ZSWIM6: variants seen among roughly 807,000 people sequenced by gnomAD.
The protein encoded by ZSWIM6 is zinc finger SWIM domain-containing protein 6.
In ZSWIM6, 9 loss-of-function variants were observed where a neutral mutation model predicts 113.2. The ratio of observed to expected loss-of-function variants is 0.08; its 90% CI spans 0.05 to 0.14. ZSWIM6 has a LOEUF of 0.14. Among genes scored for constraint, ZSWIM6 ranks in the 10% least tolerant of loss-of-function variants. The pLI, the probability that ZSWIM6 is intolerant of heterozygous loss-of-function variation, is 1.00. For missense variants in ZSWIM6, 1,162 were observed against 1,552.2 expected (o/e 0.75, Z 4.22); for synonymous variants, 611 against 606.5 (o/e 1.01, Z -0.11).
At chr5:61,378,457 G>A (rs1477935773) in intron 1 of ZSWIM6, among the ~76,000 whole-genome samples, 1 of 152,174 alleles carries the variant, frequency 6.6e-6, no homozygotes, top group Non-Finnish European at 1.5e-5. Flanking sequence ...TGTTGCTTAT[G>A]TATGCATACA....
intron 1 of ZSWIM6, among the ~76,000 whole-genome samples, chr5:61,385,005 A>C (rs1745564522): frequency 6.6e-6 from 1 of 152,150 alleles, no homozygotes; most frequent in South Asian, 2.1e-4. Context: ...GGTTGCAGTG[A>C]GCTGAGATCG....
At chr5:61,542,077 C>T (rs183178282) in intron 13 of ZSWIM6, 112 bp downstream of exon 13, 1 of 942,798 alleles carries the variant, frequency 1.1e-6, no homozygotes, top group Admixed American at 2.4e-5. Flanking sequence ...CTCCAAGGCT[C>T]CTTCTAGCAG....
chr5:61,488,045 T>C (rs1748069136), intron 2 of ZSWIM6, among the ~76,000 whole-genome samples: 1 of 152,072 alleles, frequency 6.6e-6, no homozygotes, highest in South Asian at 2.1e-4. Flanking sequence ...TGAGGTATAT[T>C]CCTTTTATGC....
chr5:61,423,128 C>T (rs1579988834), intron 1 of ZSWIM6, among the ~76,000 whole-genome samples: 1 of 152,016 alleles, frequency 6.6e-6, no homozygotes, highest in Non-Finnish European at 1.5e-5. Context: ...TGGTGAGGGC[C>T]AGGCGCAGTG....
chr5:61,420,931 T>G (rs912330790), intron 1 of ZSWIM6, among the ~76,000 whole-genome samples: 2 of 149,450 alleles, frequency 1.3e-5, no homozygotes, highest in East Asian at 1.9e-4. Flanking sequence ...TTTTTTTTCC[T>G]TCTTTTGAGA....
chr5:61,404,255 T>A (rs1405807572), intron 1 of ZSWIM6, among the ~76,000 whole-genome samples: 1 of 152,186 alleles, frequency 6.6e-6, no homozygotes, highest in Non-Finnish European at 1.5e-5. Flanking sequence ...ACCGGAAAAC[T>A]TTCCTTCACA....
chr5:61,525,697 G>A, intron 5 of ZSWIM6, 103 bp from the exon 6 acceptor site: 1 of 1,330,162 alleles, frequency 7.5e-7, no homozygotes. Context: ...GCAGGACAAT[G>A]TGTGTGGGTG....
chr5:61,474,377 G>A (rs1457909360), intron 2 of ZSWIM6, among the ~76,000 whole-genome samples: 2 of 152,084 alleles, frequency 1.3e-5, no homozygotes, highest in African/African-American at 2.4e-5. Context: ...CCTTCCCATA[G>A]AAATAGAATA....
At chr5:61,413,816 A>G (rs938114646) in intron 1 of ZSWIM6, among the ~76,000 whole-genome samples, 13 of 151,414 alleles carry the variant, frequency 8.6e-5, no homozygotes, top group African/African-American at 3.2e-4. Flanking sequence ...CTGCATAAAT[A>G]TCTTCTTTTG....
intron 5 of ZSWIM6, among the ~76,000 whole-genome samples, chr5:61,522,785 T>C (rs1037749712): frequency 6.6e-6 from 1 of 152,260 alleles, no homozygotes; most frequent in Admixed American, 6.5e-5. Context: ...CTTCCGTTGC[T>C]AGGAAAGGGT....
Position 61,543,509 on chromosome 5 carries a change from C to T in ZSWIM6, c.2840C>T (p.Thr947Ile). 6.4e-7 allele frequency: 1 copy of T among 1,551,518 alleles called. No individual in the cohort carries two copies. The highest frequency in any genetic ancestry group is 8.7e-7 in the Non-Finnish European group (1 of 1,146,998). ...MQTWFTLFTPTEATSIVATTV... is the reference protein window; with the variant it reads ...MQTWFTLFTPIEATSIVATTV... Reference sequence around the variant, plus strand: ...ACCTGGTTTACACTCTTTACTCCCACCGAGGCCACAAGTATAGTTGCAACT... The same window carrying T: ...ACCTGGTTTACACTCTTTACTCCCATCGAGGCCACAAGTATAGTTGCAACT... The change falls in exon 14 of 14, where the codon ACC (threonine) becomes ATC (isoleucine). Residue 947 changes from threonine (T) to isoleucine (I), a missense_variant. Physicochemically the swap from Thr to Ile is moderately conservative, Grantham distance 89. Around this residue, in one of 4 missense-constraint regions of ZSWIM6, gnomAD observed 620 missense variants for 804.6 expected, o/e 0.77. Coordinates refer to ENST00000252744, the MANE Select transcript of ZSWIM6 (RefSeq NM_020928.2). The surrounding 1 kb of genome is among the most constrained non-coding windows in gnomAD (Gnocchi z 4.3).
At position 61,543,706 on chromosome 5, in the gene ZSWIM6, G is replaced by T; in HGVS notation, c.3037G>T (p.Ala1013Ser). 2 of 1,551,650 alleles carry T rather than the reference G, an allele frequency of 1.3e-6. No homozygotes were observed. The highest frequency in any genetic ancestry group is 1.4e-5 in the African/African-American group (1 of 73,156). Reference protein sequence around the residue: ...CEKDHIAFETAYQIVLDAATT... With the variant: ...CEKDHIAFETSYQIVLDAATT... ...AAAGGATCACATAGCTTTTGAGACGGCGTACCAAATTGTTCTCGACGCTGC... is the reference window on the plus strand; with the variant it reads ...AAAGGATCACATAGCTTTTGAGACGTCGTACCAAATTGTTCTCGACGCTGC... Residue 1013 changes from alanine to serine, a missense_variant, in exon 14 of 14, where the codon GCG (alanine) becomes TCG (serine). Physicochemically the swap from Ala to Ser is moderately conservative, Grantham distance 99 (BLOSUM62 1). Transcript: ENST00000252744. The surrounding 1 kb of genome is among the most constrained non-coding windows in gnomAD (Gnocchi z 4.3).
At chr5:61,462,246 C>G (rs1399962314) in intron 1 of ZSWIM6, among the ~76,000 whole-genome samples, 1 of 152,106 alleles carries the variant, frequency 6.6e-6, no homozygotes, top group East Asian at 1.9e-4. Flanking sequence ...CCCTCAGGGA[C>G]AAGATAGACT....
chr5:61,465,422 T>C (rs1249612262), intron 1 of ZSWIM6, among the ~76,000 whole-genome samples: 1 of 149,864 alleles, frequency 6.7e-6, no homozygotes, highest in African/African-American at 2.5e-5. Context: ...GATATGACTT[T>C]TTTTTTTTTT....
chr5:61,515,612 T>C (rs886186768), intron 4 of ZSWIM6, among the ~76,000 whole-genome samples: 6 of 152,158 alleles, frequency 3.9e-5, no homozygotes, highest in African/African-American at 1.4e-4. Flanking sequence ...AATCACTTCT[T>C]AAGGACCTCA....
intron 1 of ZSWIM6, among the ~76,000 whole-genome samples, chr5:61,402,580 A>G (rs1273628486): frequency 6.6e-6 from 1 of 152,106 alleles, no homozygotes; most frequent in African/African-American, 2.4e-5. Context: ...AACTAACCAA[A>G]TGAAGGTGTT....
intron 1 of ZSWIM6, among the ~76,000 whole-genome samples, chr5:61,339,692 G>A (rs951844848): frequency 1.3e-5 from 2 of 152,080 alleles, no homozygotes; most frequent in African/African-American, 4.8e-5. Flanking sequence ...TAGAAACAAA[G>A]CGGGTTATAG....
At chr5:61,532,898 A>G (rs1338404462) in intron 9 of ZSWIM6, among the ~76,000 whole-genome samples, 2 of 152,240 alleles carry the variant, frequency 1.3e-5, no homozygotes, top group Non-Finnish European at 2.9e-5. Context: ...TGCTATAAGC[A>G]ATGTCATTAG....
At chr5:61,356,599 A>G (rs1177243071) in intron 1 of ZSWIM6, among the ~76,000 whole-genome samples, 1 of 148,870 alleles carries the variant, frequency 6.7e-6, no homozygotes, top group African/African-American at 2.5e-5. Flanking sequence ...AAAAAAGAGA[A>G]AACCCTCATT....
Sources: allele counts gnomAD v4.1 joint callset (sites outside exome capture counted in the v4.1 genomes callset), GRCh38; gene constraint gnomAD v4.1.1; regional missense constraint gnomAD v4.1.1; non-coding constraint Gnocchi (gnomAD v3.1); transcripts MANE v1.5; gene names NCBI Gene and HGNC (gene_info 2026-07-23, HGNC 2026-07-21).